Variants in NXPH1 observed in about 807,000 individuals in gnomAD.
NXPH1 encodes the protein neurexophilin-1.
Under a neutral mutation model 23.7 loss-of-function variants are expected in NXPH1, and 5 were observed. The observed-to-expected ratio is 0.21, with a 90% CI of 0.11 to 0.44. The LOEUF is 0.44. NXPH1 is among the 20% of genes least tolerant of loss of function. The pLI, the probability that NXPH1 is intolerant of heterozygous loss-of-function variation, is 0.99. For synonymous variants in NXPH1, 144 were observed against 122.2 expected (o/e 1.18, Z -1.18); for missense variants, 324 against 321.6 (o/e 1.01, Z -0.06).
At chr7:8,726,817 G>A (rs1780062896) in intron 2 of NXPH1, among the ~76,000 whole-genome samples, 2 of 151,610 alleles carry the variant, frequency 1.3e-5, no homozygotes, top group South Asian at 4.2e-4. Context: ...TGTCTTTATA[G>A]CAGCATGATT....
intron 2 of NXPH1, among the ~76,000 whole-genome samples, chr7:8,469,390 C>T (rs1816833575): frequency 6.6e-6 from 1 of 152,084 alleles, no homozygotes; most frequent in Non-Finnish European, 1.5e-5. Flanking sequence ...CCGCCAAACA[C>T]TGTGCTGGAT....
chr7:8,713,506 A>ATTTTTTTTT (rs572508806), intron 2 of NXPH1, among the ~76,000 whole-genome samples: 1 of 144,590 alleles, frequency 6.9e-6, no homozygotes. Context: ...ATGCTTGCAG[A>ATTTTTTTTT]TTTTTTTTTT....
intron 2 of NXPH1, among the ~76,000 whole-genome samples, chr7:8,661,713 C>A (rs1461229273): frequency 6.6e-6 from 1 of 152,096 alleles, no homozygotes; most frequent in Non-Finnish European, 1.5e-5. Flanking sequence ...TATCCCAAAT[C>A]TGTAGAAATA....
chr7:8,731,656 G>A (rs1780156240), intron 2 of NXPH1, among the ~76,000 whole-genome samples: 1 of 152,168 alleles, frequency 6.6e-6, no homozygotes, highest in African/African-American at 2.4e-5. Context: ...GCTGCTCGGG[G>A]GTCAGGGGTC....
intron 2 of NXPH1, among the ~76,000 whole-genome samples, chr7:8,592,121 A>C (rs1237841171): frequency 6.6e-6 from 1 of 151,988 alleles, no homozygotes; most frequent in Non-Finnish European, 1.5e-5. Flanking sequence ...GGAGGAAACC[A>C]AAGAGGTGTT....
chr7:8,674,190 CACACACACACACA>C (rs1562450735), intron 2 of NXPH1, among the ~76,000 whole-genome samples: 2 of 143,930 alleles, frequency 1.4e-5, no homozygotes, highest in East Asian at 2.5e-4. Flanking sequence ...CACACACACA[CACACACACACACA>C]CCTATGCAAT....
At chr7:8,477,685 G>A (rs772257776) in intron 2 of NXPH1, among the ~76,000 whole-genome samples, 3 of 151,928 alleles carry the variant, frequency 2.0e-5, no homozygotes, top group African/African-American at 7.3e-5. Flanking sequence ...CCTGCTGCAG[G>A]GATGGTGCTG....
At chr7:8,625,595 G>T (rs1211678176) in intron 2 of NXPH1, among the ~76,000 whole-genome samples, 1 of 152,130 alleles carries the variant, frequency 6.6e-6, no homozygotes, top group Non-Finnish European at 1.5e-5. Context: ...GTCTTCTGAA[G>T]AGGATAGTGT....
At chr7:8,725,906 G>A (rs1279156942) in intron 2 of NXPH1, among the ~76,000 whole-genome samples, 1 of 152,074 alleles carries the variant, frequency 6.6e-6, no homozygotes, top group Non-Finnish European at 1.5e-5. Flanking sequence ...GACACTAGAA[G>A]GGTTTTTGAA....
chr7:8,448,849 T>C (rs940957362), intron 2 of NXPH1, among the ~76,000 whole-genome samples: 4 of 150,590 alleles, frequency 2.7e-5, no homozygotes, highest in African/African-American at 9.8e-5. Context: ...AAAGGACATT[T>C]CTACAGCAAC....
At chr7:8,664,905 T>C (rs1820736219) in intron 2 of NXPH1, among the ~76,000 whole-genome samples, 1 of 152,208 alleles carries the variant, frequency 6.6e-6, no homozygotes. Flanking sequence ...TTTGAGTTCT[T>C]GTATATTTTG....
chr7:8,735,470 C>A (rs1780233030), intron 2 of NXPH1, among the ~76,000 whole-genome samples: 1 of 152,176 alleles, frequency 6.6e-6, no homozygotes, highest in Non-Finnish European at 1.5e-5. Context: ...ACCAGCCTTG[C>A]ATCCCAGGGA....
At chr7:8,437,757 G>A (rs1421532596) in intron 2 of NXPH1, among the ~76,000 whole-genome samples, 1 of 152,178 alleles carries the variant, frequency 6.6e-6, no homozygotes, top group African/African-American at 2.4e-5. Flanking sequence ...TGTAAACTGG[G>A]AGCATTTGAA....
At chr7:8,604,813 G>C (rs926197999) in intron 2 of NXPH1, among the ~76,000 whole-genome samples, 1 of 152,068 alleles carries the variant, frequency 6.6e-6, no homozygotes, top group African/African-American at 2.4e-5. Context: ...CAAATTTGTG[G>C]CTGGTCAAAA....
intron 2 of NXPH1, among the ~76,000 whole-genome samples, chr7:8,494,204 A>C (rs951091424): frequency 6.6e-6 from 1 of 150,506 alleles, no homozygotes; most frequent in Non-Finnish European, 1.5e-5. Context: ...GATTTTTCAT[A>C]GGAGAATGAT....
intron 2 of NXPH1, among the ~76,000 whole-genome samples, chr7:8,485,946 T>C (rs1158145733): frequency 6.6e-6 from 1 of 152,156 alleles, no homozygotes; most frequent in Non-Finnish European, 1.5e-5. Flanking sequence ...TCATCTGGCA[T>C]TGACTTTAGT....
At chr7:8,707,491 T>C (rs1445241169) in intron 2 of NXPH1, among the ~76,000 whole-genome samples, 1 of 152,164 alleles carries the variant, frequency 6.6e-6, no homozygotes, top group Admixed American at 6.5e-5. Flanking sequence ...ACTCAATGAC[T>C]ATTATATTGT....
intron 2 of NXPH1, among the ~76,000 whole-genome samples, chr7:8,561,212 A>G (rs1818438534): frequency 6.6e-6 from 1 of 151,582 alleles, no homozygotes; most frequent in Non-Finnish European, 1.5e-5. Flanking sequence ...TGAAAGAGAA[A>G]AATGATTCTA....
intron 2 of NXPH1, among the ~76,000 whole-genome samples, chr7:8,498,506 A>T (rs1393312281): frequency 6.6e-6 from 1 of 152,082 alleles, no homozygotes; most frequent in East Asian, 1.9e-4. Flanking sequence ...AAGTTAATAA[A>T]ATTTGCAAAC....
Sources: gnomAD v4.1 joint callset for allele counts (sites outside exome capture counted in the v4.1 genomes callset) on GRCh38, gnomAD v4.1.1 for gene constraint, MANE v1.5 for transcripts, NCBI Gene and HGNC (gene_info 2026-07-23, HGNC 2026-07-21) for gene names.